The following WFDC8 variants were observed in gnomAD, a reference collection of about 807,000 sequenced individuals.
WFDC8 encodes the protein WAP four-disulfide core domain 8, also known as WAP four-disulfide core domain protein 8.
A neutral mutation model predicts 27.0 loss-of-function variants in WFDC8; 24 were observed. The ratio of observed to expected loss-of-function variants is 0.89; its 90% confidence interval spans 0.64 to 1.25. The LOEUF (loss-of-function observed/expected upper bound fraction) is 1.25. Ranked by LOEUF, WFDC8 falls within the 50% of genes most tolerant of loss-of-function variation. The probability of loss-of-function intolerance (pLI) is 0.00; values close to 1 mark genes in which losing one functional copy is unlikely to be tolerated. For missense variants in WFDC8, 287 were observed against 295.9 expected, an observed-to-expected ratio of 0.97 and a Z score of 0.22; for synonymous variants, 106 against 99.7, an observed-to-expected ratio of 1.06 and a Z score of -0.38.
At chr20:45,557,731 C>A (rs1980316610) in intron 3 of WFDC8, among the ~76,000 whole-genome samples, 2 of 152,160 alleles carry the variant, frequency 1.3e-5, no homozygotes, top group African/African-American at 4.8e-5. Flanking sequence ...CCGTGCCCAG[C>A]CAATAAAGAT....
chr20:45,565,230 A>G (rs8125468), intron 1 of WFDC8, among the ~76,000 whole-genome samples: 88 of 152,290 alleles, frequency 5.8e-4, no homozygotes, highest in Admixed American at 1.2e-3. Flanking sequence ...CACTGTGTCA[A>G]CTTGGGCTAG....
At chr20:45,579,094 A>G in intron 1 of WFDC8, 128 bp downstream of exon 1, 2 of 821,596 alleles carry the variant, frequency 2.4e-6, no homozygotes, top group Non-Finnish European at 2.1e-6. Context: ...TGTTCTGTGG[A>G]ACCCCTCCTC....
In WFDC8 at chr20:45,566,544, T is replaced by A. The variant is rs1181501150; in HGVS notation, c.27-4325A>T. The stretch of plus-strand genomic sequence containing the variant: ...CGGGCATGGTGGTGCATGACTGTAA[T>A]CCCAGCTACTCGGGAGGCTGAGGCA... On this transcript the variant is annotated intron_variant, in intron 1 of 5. Transcript: ENST00000289953. 2.0e-5 allele frequency among the ~76,000 whole-genome samples: 3 copies of A among 152,086 alleles called. No individual in the cohort carries two copies. In the East Asian group the frequency reaches 5.8e-4, roughly 29 times the overall value.
At chr20:45,568,720 G>T in intron 1 of WFDC8, 1 of 528,088 alleles carries the variant, frequency 1.9e-6, no homozygotes. Context: ...CAGAAGATGT[G>T]AGAGCAGATG....
intron 1 of WFDC8, among the ~76,000 whole-genome samples, chr20:45,575,440 G>C (rs1488951648): frequency 7.1e-6 from 1 of 141,050 alleles, no homozygotes; most frequent in African/African-American, 2.5e-5. Context: ...AAATACTTAG[G>C]AGTAAATTTA....
At chr20:45,574,063 AT>A (rs1050462043) in intron 1 of WFDC8, among the ~76,000 whole-genome samples, 7 of 152,196 alleles carry the variant, frequency 4.6e-5, no homozygotes, top group African/African-American at 1.7e-4. Flanking sequence ...TGCAACTGGA[AT>A]TTTGGTAGGG....
intron 1 of WFDC8, among the ~76,000 whole-genome samples, chr20:45,568,963 G>A (rs952375887): frequency 1.3e-5 from 2 of 152,134 alleles, no homozygotes; most frequent in South Asian, 4.1e-4. Context: ...TACTTCTCTG[G>A]TATCAGATGA....
intron 2 of WFDC8, chr20:45,560,024 T>G (rs1377221129): frequency 6.6e-6 from 1 of 152,168 alleles, no homozygotes; most frequent in African/African-American, 2.4e-5. Flanking sequence ...GCAGAAAAAT[T>G]AAAGACCCAA....
chr20:45,557,920 T>C (rs1450939560), intron 3 of WFDC8, among the ~76,000 whole-genome samples: 1 of 152,184 alleles, frequency 6.6e-6, no homozygotes, highest in African/African-American at 2.4e-5. Context: ...GGATTCTCTG[T>C]TGGACATTTA....
chr20:45,563,271 TG>T (rs1980535310), intron 1 of WFDC8, among the ~76,000 whole-genome samples: 1 of 152,230 alleles, frequency 6.6e-6, no homozygotes. Flanking sequence ...CAGCATATCT[TG>T]GATCCTCAAT....
intron 1 of WFDC8, among the ~76,000 whole-genome samples, chr20:45,574,075 A>G (rs1980962336): frequency 6.6e-6 from 1 of 152,180 alleles, no homozygotes; most frequent in Non-Finnish European, 1.5e-5. Flanking sequence ...TTTGGTAGGG[A>G]TTCTGAAGTT....
chr20:45,576,498 C>A (rs1757803979), intron 1 of WFDC8, among the ~76,000 whole-genome samples: 1 of 151,286 alleles, frequency 6.6e-6, no homozygotes, highest in Non-Finnish European at 1.5e-5. Flanking sequence ...CTCCTGGGTT[C>A]AAATGATTCT....
Position 45,555,887 on chromosome 20 carries a change from G to A in WFDC8, c.278-19C>T, listed in dbSNP as rs1600886686. On this transcript the variant is annotated intron_variant, in intron 3 of 5. Transcript: ENST00000289953. ...CAGGGTTCTGAGGTCAGGAAGCAAG[G>A]AAAGAAGGATATGAAGAGTAGAGAT... 1 of 1,611,720 alleles carries A rather than the reference G, an allele frequency of 6.2e-7. No homozygotes were observed. The highest frequency in any genetic ancestry group is 1.3e-5 in the African/African-American group (1 of 74,968).
chr20:45,553,380 T>A, intron 4 of WFDC8, 104 bp from the exon 5 acceptor site: 2 of 1,404,768 alleles, frequency 1.4e-6, no homozygotes, highest in South Asian at 2.9e-5. Context: ...TTCTGCAACT[T>A]GGTTCACCCT....
At chr20:45,555,922 G>C (rs967446691) in intron 3 of WFDC8, 54 bp from the exon 4 acceptor site, 7 of 1,558,332 alleles carry the variant, frequency 4.5e-6, no homozygotes, top group Non-Finnish European at 6.2e-6. Context: ...TAAAAGAACA[G>C]GGTCAGTTCC....
At chr20:45,562,385 A>G (rs909879) in intron 1 of WFDC8, among the ~76,000 whole-genome samples, 166 bp from the exon 2 acceptor site, 81,491 of 151,960 alleles carry the variant, frequency 0.54, 22,170 homozygotes, top group African/African-American at 0.59. Context: ...TGGTGAGTTA[A>G]GGTGTGTCTA....
intron 1 of WFDC8, among the ~76,000 whole-genome samples, chr20:45,565,250 C>T (rs774342655): frequency 6.6e-5 from 10 of 152,084 alleles, no homozygotes; most frequent in African/African-American, 1.2e-4. Context: ...GTTTTACCTC[C>T]GTCTACCCAT....
At chr20:45,568,103 C>A (rs1980743447) in intron 1 of WFDC8, 2 of 372,998 alleles carry the variant, frequency 5.4e-6, no homozygotes. Flanking sequence ...GTGGGAGAAC[C>A]CAAGAAAAAT....
downstream of WFDC8, chr20:45,551,232 G>A (rs1167145733): frequency 6.6e-6 from 1 of 152,130 alleles, no homozygotes; most frequent in Non-Finnish European, 1.5e-5. Flanking sequence ...CAACAAATTA[G>A]AAGAGAAAAA....
Sources: allele counts gnomAD v4.1 joint callset (sites outside exome capture counted in the v4.1 genomes callset), GRCh38; gene constraint gnomAD v4.1.1; transcripts MANE v1.5; gene names NCBI Gene and HGNC (gene_info 2026-07-23, HGNC 2026-07-21).